MEF2D: variants seen among roughly 807,000 people sequenced by gnomAD.
MEF2D encodes myocyte-specific enhancer factor 2D.
A neutral mutation model predicts 59.3 loss-of-function variants in MEF2D; 10 were observed. The observed-to-expected ratio is 0.17, with a 90% confidence interval of 0.10 to 0.29. The LOEUF (loss-of-function observed/expected upper bound fraction) is 0.29, where lower values mean the gene tolerates loss of function less well. Ranked by LOEUF, MEF2D falls within the 10% of genes least tolerant of loss-of-function variation. The pLI, the probability that MEF2D is intolerant of heterozygous loss-of-function variation, is 1.00. For missense variants in MEF2D, 508 were observed against 699.4 expected, an observed-to-expected ratio of 0.73 and a Z score of 3.09; for synonymous variants, 305 against 295.0, an observed-to-expected ratio of 1.03 and a Z score of -0.35.
intron 6 of MEF2D, among the ~76,000 whole-genome samples, chr1:156,477,945 T>A (rs2102074661): frequency 6.6e-6 from 1 of 152,342 alleles, no homozygotes; most frequent in African/African-American, 2.4e-5. Context: ...TTCACACATG[T>A]ATTATCTTAT....
At position 156,469,134 on chromosome 1, in the gene MEF2D, A is replaced by G. The variant is rs1361253570; in HGVS notation, c.1007-114T>C. 24 of 1,382,926 alleles carry G rather than the reference A, an allele frequency of 1.7e-5. No individual in the cohort carries two copies. In the South Asian group the frequency reaches 3.4e-4, roughly 19 times the overall value. The allele number at this position is 1,382,926 out of a possible 1,614,324, so 85.7% of individuals were successfully genotyped here. On this transcript the variant is annotated intron_variant, in intron 9 of 11. Transcript: ENST00000348159. ...ATGAGGGGACAGGGAGTGTGTAATG[A>G]CAGATGTAAGGAATTCAAGAAGACC...
At chr1:156,480,780 G>A (rs1214750125) in intron 4 of MEF2D, 54 bp downstream of exon 4, 5 of 1,602,344 alleles carry the variant, frequency 3.1e-6, no homozygotes, top group Non-Finnish European at 4.3e-6. Context: ...TGCAGCGCCT[G>A]GGGGGAAGGG....
At chr1:156,479,417 A>G in intron 5 of MEF2D, 71 bp from the exon 6 acceptor site, 2 of 1,550,186 alleles carry the variant, frequency 1.3e-6, no homozygotes, top group East Asian at 4.7e-5. Context: ...GGGACTGAAC[A>G]TGAAGAGGGG....
chr1:156,478,616 T>C (rs761249513), intron 6 of MEF2D, among the ~76,000 whole-genome samples: 2 of 152,148 alleles, frequency 1.3e-5, no homozygotes, highest in Non-Finnish European at 2.9e-5. Flanking sequence ...CCACAACCTC[T>C]GCCTCCTGAG....
chr1:156,479,300 G>A lies in MEF2D; in HGVS notation c.654C>T (p.Pro218=), dbSNP rs773040450. The A allele has an allele frequency of 5.6e-6, 9 of 1,612,472 alleles. No individual in the cohort carries two copies. Among genetic ancestry groups the A allele is most frequent in the Non-Finnish European group, 7.6e-6 (9 of 1,179,350 alleles). Residue 218 remains proline, a synonymous_variant, in exon 6 of 12, where the codon CCC becomes CCT. Transcript: ENST00000348159. ...GATGACTGCACTCACCAACAGGGCT[G>A]GGGCAGGCTCCGTTAGCACTGTTCA... ...GDLNSANGAC[P]SPVGNGYVSA...
At chr1:156,476,852 C>T (rs1671640270) in intron 7 of MEF2D, 160 bp downstream of exon 7, 1 of 885,032 alleles carries the variant, frequency 1.1e-6, no homozygotes, top group Non-Finnish European at 1.7e-6. Flanking sequence ...AAAAGGCCCT[C>T]TGGGAAGAAA....
intron 1 of MEF2D, among the ~76,000 whole-genome samples, chr1:156,496,128 G>C (rs1221741967): frequency 3.3e-5 from 5 of 152,234 alleles, no homozygotes; most frequent in Non-Finnish European, 5.9e-5. Context: ...TCAGGAAAGA[G>C]AGGCTTGTAG....
intron 1 of MEF2D, among the ~76,000 whole-genome samples, chr1:156,495,070 G>C (rs560599727): frequency 6.6e-6 from 1 of 152,096 alleles, no homozygotes. Context: ...GAGGGGTCTC[G>C]GAGTGTCATT....
In MEF2D at chr1:156,472,018, C is replaced by T. The variant is rs1457058939; in HGVS notation, c.1007-2998G>A. Among the ~76,000 whole-genome samples the T allele has an allele frequency of 2.0e-5, 3 of 152,222 alleles. No individual in the cohort carries two copies. The East Asian group carries it at 5.8e-4, about 29-fold the overall frequency. On this transcript the variant is annotated intron_variant, in intron 9 of 11. Transcript: ENST00000348159. The stretch of plus-strand genomic sequence containing the variant: ...CTTTAAGTCTAGCCTTCCTGAGTGC[C>T]TGTCCCAGGTTGGCTGACACCAACT...
chr1:156,471,743 C>T (rs904315480), intron 9 of MEF2D, among the ~76,000 whole-genome samples: 5 of 152,270 alleles, frequency 3.3e-5, no homozygotes, highest in African/African-American at 1.2e-4. Context: ...GGAACTTGAA[C>T]TGCAGCCAAG....
At chr1:156,492,986 G>A (rs1277600676) in intron 1 of MEF2D, among the ~76,000 whole-genome samples, 3 of 152,242 alleles carry the variant, frequency 2.0e-5, no homozygotes, top group Admixed American at 1.3e-4. Context: ...AGAGCAGGCT[G>A]AAGAGATAAA....
intron 4 of MEF2D, 53 bp downstream of exon 4, chr1:156,480,781 G>A (rs773264207): frequency 1.2e-6 from 2 of 1,604,146 alleles, no homozygotes; most frequent in Non-Finnish European, 1.7e-6. Context: ...GCAGCGCCTG[G>A]GGGGAAGGGG....
intron 1 of MEF2D, among the ~76,000 whole-genome samples, chr1:156,491,758 C>G (rs77199539): frequency 6.6e-6 from 1 of 152,174 alleles, no homozygotes; most frequent in Non-Finnish European, 1.5e-5. Flanking sequence ...CCCAGCAGGC[C>G]GAGCTGCAAT....
chr1:156,497,892 C>T (rs1200613589), intron 1 of MEF2D, among the ~76,000 whole-genome samples: 3 of 151,710 alleles, frequency 2.0e-5, no homozygotes, highest in Non-Finnish European at 2.9e-5. Context: ...GAGCCAGGGA[C>T]GACCACAGCA....
rs1670919435 is a variant in MEF2D at position 156,467,449 on chromosome 1, G to A, written c.*196C>T. ...GGATGAGAGCATCCCCCTCTCCAAA[G>A]CGAGAATCCAAATTAAAAAAAATAT... On this transcript the variant is annotated 3_prime_UTR_variant, in exon 12 of 12. Transcript: ENST00000348159. The A allele has an allele frequency of 4.1e-6, 1 of 245,034 alleles. No homozygotes were observed. The highest frequency in any genetic ancestry group is 2.3e-5 in the African/African-American group (1 of 43,408). 15.2% of individuals were successfully genotyped at this position (245,034 alleles called of 1,614,324 possible). A position where few individuals can be genotyped will look rare whatever the true frequency, so the allele number is the denominator to read the frequency against.
At chr1:156,481,846 C>A (rs911261946) in intron 3 of MEF2D, among the ~76,000 whole-genome samples, 50 of 152,300 alleles carry the variant, frequency 3.3e-4, no homozygotes, top group African/African-American at 1.1e-3. Flanking sequence ...AGGCACTGAC[C>A]CCATTTTGTG....
At chr1:156,486,117 G>A (rs1390355879) in intron 1 of MEF2D, among the ~76,000 whole-genome samples, 3 of 152,112 alleles carry the variant, frequency 2.0e-5, no homozygotes, top group Non-Finnish European at 4.4e-5. Flanking sequence ...TGCTCCATGG[G>A]CCCTGGGCCT....
intron 9 of MEF2D, among the ~76,000 whole-genome samples, chr1:156,474,047 C>T (rs1671410747): frequency 1.3e-5 from 2 of 152,236 alleles, no homozygotes; most frequent in Admixed American, 6.5e-5. Flanking sequence ...ACTCCCCATA[C>T]CTGCAGCCTA....
chr1:156,498,838 CT>C (rs1399593226), intron 1 of MEF2D, among the ~76,000 whole-genome samples: 3 of 152,160 alleles, frequency 2.0e-5, no homozygotes, highest in African/African-American at 7.2e-5. Context: ...TAAAGAGGTC[CT>C]CAGCCACTCC....
Sources: allele counts gnomAD v4.1 joint callset (sites outside exome capture counted in the v4.1 genomes callset), GRCh38; gene constraint gnomAD v4.1.1; transcripts MANE v1.5; gene names NCBI Gene and HGNC (gene_info 2026-07-23, HGNC 2026-07-21).